The following FILIP1L variants were observed in gnomAD, a reference collection of about 807,000 sequenced individuals.
FILIP1L encodes the protein filamin A interacting protein 1 like.
FILIP1L carries 55 observed loss-of-function variants against 96.6 expected under a neutral mutation model. That is an observed-to-expected ratio of 0.57 (90% CI 0.46 to 0.71). FILIP1L has a LOEUF of 0.71. FILIP1L is among the 30% of genes least tolerant of loss of function. The pLI is 0.00. For synonymous variants in FILIP1L, 467 were observed against 473.9 expected (o/e 0.99, Z 0.19); for missense variants, 1,304 against 1,321.2 (o/e 0.99, Z 0.20).
chr3:99,968,502 T>C (rs1576608222), intron 1 of FILIP1L, among the ~76,000 whole-genome samples: 1 of 151,022 alleles, frequency 6.6e-6, no homozygotes, highest in East Asian at 1.9e-4. Flanking sequence ...TAAATAAACA[T>C]GGAAGGTGAT....
intron 1 of FILIP1L, among the ~76,000 whole-genome samples, chr3:100,000,638 C>G (rs550228874): frequency 6.6e-5 from 10 of 152,258 alleles, no homozygotes; most frequent in Admixed American, 2.6e-4. Context: ...TTGCTTGGGC[C>G]CAGGAGTTCA....
intron 5 of FILIP1L, among the ~76,000 whole-genome samples, chr3:99,836,940 A>G (rs1942924096): frequency 6.6e-6 from 1 of 152,204 alleles, no homozygotes; most frequent in South Asian, 2.1e-4. Flanking sequence ...TAGCCTCCCT[A>G]AAGCGTATTT....
At chr3:99,988,614 ACCATTT>A (rs1709424780) in intron 1 of FILIP1L, among the ~76,000 whole-genome samples, 2 of 152,048 alleles carry the variant, frequency 1.3e-5, no homozygotes, top group South Asian at 4.1e-4. Context: ...TGTTTTAAAG[ACCATTT>A]CCAAAGTCCA....
chr3:99,983,494 ATATATATATATATATG>A (rs1709230433), intron 1 of FILIP1L, among the ~76,000 whole-genome samples: 5 of 119,012 alleles, frequency 4.2e-5, no homozygotes, highest in African/African-American at 1.7e-4. Context: ...ATATATATAT[ATATATATATATATATG>A]TATATATATA....
At chr3:99,844,930 C>A (rs907335228) in intron 5 of FILIP1L, among the ~76,000 whole-genome samples, 2 of 152,136 alleles carry the variant, frequency 1.3e-5, no homozygotes, top group Admixed American at 1.3e-4. Flanking sequence ...CCTGAGGCCT[C>A]CCCCAGCCAT....
At position 99,944,785 on chromosome 3, in the gene FILIP1L, G is replaced by T. The variant is rs187857372; in HGVS notation, c.-10-13755C>A. Among the ~76,000 whole-genome samples the T allele has an allele frequency of 1.0e-3, 157 of 152,270 alleles. 4 individuals are homozygous for T. The highest frequency in any genetic ancestry group is 0.01 in the Admixed American group (157 of 15,302). On this transcript the variant is annotated intron_variant, in intron 1 of 5. Coordinates refer to ENST00000477258, the MANE Select transcript of FILIP1L (RefSeq NM_001387850.1). ...GAGACATCTCAGCAATTATGGTGCAGCACTGACTATATCAATAAAATTAAA... is the reference window on the plus strand; with the variant it reads ...GAGACATCTCAGCAATTATGGTGCATCACTGACTATATCAATAAAATTAAA...
chr3:99,925,788 A>G, intron 3 of FILIP1L: 1 of 899,948 alleles, frequency 1.1e-6, no homozygotes, highest in Non-Finnish European at 1.3e-6. Context: ...AGGAAGAACC[A>G]GGCAGTAAAG....
intron 5 of FILIP1L, among the ~76,000 whole-genome samples, chr3:99,837,441 A>G (rs998093505): frequency 2.3e-4 from 32 of 139,872 alleles, no homozygotes; most frequent in Admixed American, 6.2e-4. Flanking sequence ...AGAAGAGAGA[A>G]AAAAAAAAAA....
intron 1 of FILIP1L, among the ~76,000 whole-genome samples, chr3:99,935,412 C>A (rs1707632149): frequency 6.6e-6 from 1 of 152,198 alleles, no homozygotes; most frequent in Non-Finnish European, 1.5e-5. Context: ...GTGTTGTTAT[C>A]TGTGACTGTC....
intron 4 of FILIP1L, among the ~76,000 whole-genome samples, chr3:99,921,104 C>A (rs1017495587): frequency 1.3e-5 from 2 of 152,118 alleles, no homozygotes; most frequent in African/African-American, 4.8e-5. Flanking sequence ...AAACATTGTT[C>A]TTTGACCCTT....
chr3:99,997,216 C>T (rs1709709570), intron 1 of FILIP1L, among the ~76,000 whole-genome samples: 1 of 152,058 alleles, frequency 6.6e-6, no homozygotes, highest in Non-Finnish European at 1.5e-5. Flanking sequence ...GGATAAACTG[C>T]TTGCTAGACT....
At chr3:100,091,052 G>A (rs1293733896) in intron 1 of FILIP1L, among the ~76,000 whole-genome samples, 3 of 152,134 alleles carry the variant, frequency 2.0e-5, no homozygotes, top group East Asian at 1.9e-4. Flanking sequence ...TTGGGAGGCC[G>A]AGGTGGGCGG....
At chr3:99,930,100 T>G in intron 2 of FILIP1L, 71 bp from the exon 3 acceptor site, 1 of 1,262,276 alleles carries the variant, frequency 7.9e-7, no homozygotes, top group East Asian at 2.4e-5. Flanking sequence ...ATTTTTGTGA[T>G]AGTTGGCAGT....
chr3:99,923,486 A>G (rs1707187991), intron 4 of FILIP1L, among the ~76,000 whole-genome samples: 1 of 151,958 alleles, frequency 6.6e-6, no homozygotes. Context: ...CTTCTCAGTA[A>G]CTCCTTGTTT....
At chr3:99,846,767 T>C (rs1389355955) in intron 5 of FILIP1L, among the ~76,000 whole-genome samples, 8 of 152,240 alleles carry the variant, frequency 5.3e-5, no homozygotes, top group Admixed American at 5.2e-4. Context: ...AGCTTCCTTT[T>C]ATTCTTAAAG....
intron 4 of FILIP1L, among the ~76,000 whole-genome samples, chr3:99,864,212 A>G: frequency 6.6e-6 from 1 of 151,846 alleles, no homozygotes; most frequent in South Asian, 2.1e-4. Context: ...GAGCACATGC[A>G]TTTATTTTCT....
intron 1 of FILIP1L, among the ~76,000 whole-genome samples, chr3:99,979,743 C>T (rs539166109): frequency 6.6e-6 from 1 of 152,222 alleles, no homozygotes; most frequent in South Asian, 2.1e-4. Flanking sequence ...ATATTCATGG[C>T]ATTGCTCTAG....
chr3:99,831,004 CTT>C (rs1259214914), intron 5 of FILIP1L, among the ~76,000 whole-genome samples: 7 of 152,140 alleles, frequency 4.6e-5, no homozygotes. Flanking sequence ...GGCCTTCAGA[CTT>C]TTAAAAGTTT....
intron 1 of FILIP1L, among the ~76,000 whole-genome samples, chr3:100,043,207 C>G (rs563750135): frequency 6.6e-6 from 1 of 152,310 alleles, no homozygotes; most frequent in South Asian, 2.1e-4. Flanking sequence ...GTATTTCATT[C>G]TTTACTGTGT....
Sources: gnomAD v4.1 joint callset for allele counts (sites outside exome capture counted in the v4.1 genomes callset) on GRCh38, gnomAD v4.1.1 for gene constraint, MANE v1.5 for transcripts, NCBI Gene and HGNC (gene_info 2026-07-23, HGNC 2026-07-21) for gene names.